SLC38A1: variants seen among roughly 807,000 people sequenced by gnomAD.
The protein encoded by SLC38A1 is solute carrier family 38 member 1, also known as sodium-coupled neutral amino acid symporter 1.
In SLC38A1, 18 loss-of-function variants were observed where a neutral mutation model predicts 60.3. The observed-to-expected ratio is 0.30, with a 90% confidence interval of 0.21 to 0.44. The LOEUF (loss-of-function observed/expected upper bound fraction) is 0.44. SLC38A1 is among the 20% of genes least tolerant of loss of function. The pLI is 1.00. For synonymous variants in SLC38A1, 196 were observed against 212.1 expected, an observed-to-expected ratio of 0.92 and a Z score of 0.66; for missense variants, 448 against 587.2, an observed-to-expected ratio of 0.76 and a Z score of 2.45.
chr12:46,245,418 C>T (rs1011637040), intron 1 of SLC38A1, among the ~76,000 whole-genome samples: 2 of 152,138 alleles, frequency 1.3e-5, no homozygotes, highest in Non-Finnish European at 2.9e-5. Flanking sequence ...TGAGCTATCA[C>T]CTCACAGCTC....
At chr12:46,210,906 T>C (rs914708515) in intron 5 of SLC38A1, among the ~76,000 whole-genome samples, 1 of 152,172 alleles carries the variant, frequency 6.6e-6, no homozygotes, top group African/African-American at 2.4e-5. Flanking sequence ...AATACACTGA[T>C]TAAGAGGGTA....
At chr12:46,210,849 A>G (rs956291871) in intron 5 of SLC38A1, among the ~76,000 whole-genome samples, 2 of 152,172 alleles carry the variant, frequency 1.3e-5, no homozygotes, top group African/African-American at 4.8e-5. Context: ...TTCTTTATAA[A>G]TTACCCAGTC....
chr12:46,251,803 G>T (rs1389506325), intron 1 of SLC38A1, among the ~76,000 whole-genome samples: 2 of 152,112 alleles, frequency 1.3e-5, no homozygotes, highest in Non-Finnish European at 2.9e-5. Flanking sequence ...TCTCACTCCA[G>T]TTAGAATGGC....
At chr12:46,220,147 A>C (rs571753642) in intron 5 of SLC38A1, among the ~76,000 whole-genome samples, 1 of 152,206 alleles carries the variant, frequency 6.6e-6, no homozygotes, top group Admixed American at 6.5e-5. Context: ...TGTTAACGCA[A>C]TGCTAACCAC....
At chr12:46,209,732 G>A (rs1269305190) in intron 5 of SLC38A1, among the ~76,000 whole-genome samples, 1 of 148,356 alleles carries the variant, frequency 6.7e-6, no homozygotes, top group Admixed American at 6.6e-5. Context: ...TTGGTAACCA[G>A]TGGGAAAATT....
intron 6 of SLC38A1, among the ~76,000 whole-genome samples, chr12:46,208,109 G>A (rs375709406): frequency 4.6e-5 from 7 of 152,254 alleles, no homozygotes; most frequent in African/African-American, 1.7e-4. Context: ...GTAATAACAA[G>A]CTTAGAAACA....
intron 16 of SLC38A1, 174 bp downstream of exon 16, chr12:46,197,546 T>C: frequency 1.8e-6 from 1 of 543,046 alleles, no homozygotes; most frequent in Non-Finnish European, 3.2e-6. Context: ...TTTGGAGGGA[T>C]GGGAGAAGAT....
intron 8 of SLC38A1, 54 bp downstream of exon 8, chr12:46,207,101 T>A (rs1338586923): frequency 3.3e-6 from 4 of 1,198,260 alleles, no homozygotes; most frequent in Non-Finnish European, 4.7e-6. Context: ...GATTGGCCCA[T>A]ATTTAAATTA....
At chr12:46,193,703 T>G (rs1346892396) in intron 16 of SLC38A1, among the ~76,000 whole-genome samples, 2 of 152,208 alleles carry the variant, frequency 1.3e-5, no homozygotes, top group Non-Finnish European at 2.9e-5. Context: ...CTTTATCTCT[T>G]TTGATCTTTG....
intron 1 of SLC38A1, among the ~76,000 whole-genome samples, chr12:46,244,210 G>A (rs183415698): frequency 1.6e-4 from 24 of 152,294 alleles, no homozygotes; most frequent in Admixed American, 1.1e-3. Context: ...AAATCAATGA[G>A]GCCAGGAGAG....
intron 1 of SLC38A1, among the ~76,000 whole-genome samples, chr12:46,259,148 C>G (rs985261204): frequency 6.6e-6 from 1 of 152,174 alleles, no homozygotes; most frequent in African/African-American, 2.4e-5. Context: ...CATCACGTTG[C>G]ACACCTTAAA....
At chr12:46,239,133 T>C (rs1286240392) in intron 3 of SLC38A1, 3 of 152,508 alleles carry the variant, frequency 2.0e-5, no homozygotes, top group Non-Finnish European at 4.4e-5. Context: ...TTTATTAGTC[T>C]CAATTGAAAG....
chr12:46,241,257 T>C (rs1941437071), intron 2 of SLC38A1, among the ~76,000 whole-genome samples: 1 of 152,146 alleles, frequency 6.6e-6, no homozygotes, highest in South Asian at 2.1e-4. Flanking sequence ...GGGTCAAACC[T>C]CAATGCGCCC....
At chr12:46,231,871 C>T (rs1306563793) in intron 3 of SLC38A1, among the ~76,000 whole-genome samples, 1 of 152,212 alleles carries the variant, frequency 6.6e-6, no homozygotes, top group African/African-American at 2.4e-5. Flanking sequence ...AACTCCTGGC[C>T]TCCCAAAGTG....
chr12:46,208,090 G>A (rs7133522), intron 6 of SLC38A1, among the ~76,000 whole-genome samples: 34,691 of 152,036 alleles, frequency 0.23, 5,246 homozygotes, highest in African/African-American at 0.43. Context: ...ATGCCTCCAC[G>A]TTCTAAATGT....
chr12:46,207,114 A>C, intron 8 of SLC38A1, 41 bp downstream of exon 8: 1 of 1,358,188 alleles, frequency 7.4e-7, no homozygotes, highest in South Asian at 1.3e-5. Context: ...TTAAATTAAA[A>C]ACATTTTAGT....
intron 5 of SLC38A1, among the ~76,000 whole-genome samples, chr12:46,211,217 G>C (rs919830142): frequency 1.3e-5 from 2 of 152,200 alleles, no homozygotes; most frequent in East Asian, 1.9e-4. Context: ...TGGCACAGAA[G>C]AGCACAGGCT....
chr12:46,249,551 G>C (rs568291518), intron 1 of SLC38A1, among the ~76,000 whole-genome samples: 1 of 152,210 alleles, frequency 6.6e-6, no homozygotes, highest in South Asian at 2.1e-4. Context: ...TCCTGGAGCT[G>C]GTTTTTTGAA....
intron 1 of SLC38A1, among the ~76,000 whole-genome samples, chr12:46,244,577 T>C (rs1592138579): frequency 6.6e-6 from 1 of 152,224 alleles, no homozygotes; most frequent in Non-Finnish European, 1.5e-5. Context: ...GAGCCAACAG[T>C]TGTGGCTATG....
Sources: allele counts gnomAD v4.1 joint callset (sites outside exome capture counted in the v4.1 genomes callset), GRCh38; gene constraint gnomAD v4.1.1; transcripts MANE v1.5; gene names NCBI Gene and HGNC (gene_info 2026-07-23, HGNC 2026-07-21).